The following ROBO2 variants were observed in gnomAD, a reference collection of about 807,000 sequenced individuals.
ROBO2 encodes roundabout guidance receptor 2, also known as roundabout homolog 2.
In ROBO2, 53 loss-of-function variants were observed where a neutral mutation model predicts 160.8. That is an observed-to-expected ratio of 0.33 (90% CI 0.26 to 0.41). ROBO2 has a LOEUF of 0.41. ROBO2 is among the 10% of genes least tolerant of loss of function. The pLI, the probability that ROBO2 is intolerant of heterozygous loss-of-function variation, is 1.00. For missense variants in ROBO2, 1,577 were observed against 1,722.4 expected (o/e 0.92, Z 1.49); for synonymous variants, 664 against 611.7 (o/e 1.09, Z -1.26).
In ROBO2 at chr3:76,407,102, A is replaced by G. The variant is rs2075239711; in HGVS notation, c.109+469500A>G. 1.3e-5 allele frequency among the ~76,000 whole-genome samples: 2 copies of G among 150,982 alleles called. 1 individual carries two copies. The highest frequency in any genetic ancestry group is 1.3e-4 in the Admixed American group (2 of 15,054). On this transcript the variant is annotated intron_variant, in intron 2 of 26. Coordinates refer to the ROBO2 transcript ENST00000487694. ...TAGACACACCAGTTACATTGTTTGC[A>G]GTAGGATTTTGCTCTAGCAATTCCT...
chr3:76,011,782 A>G (rs1371216913), intron 2 of ROBO2, among the ~76,000 whole-genome samples: 1 of 152,242 alleles, frequency 6.6e-6, no homozygotes, highest in South Asian at 2.1e-4. Flanking sequence ...TTTTAAGGAT[A>G]CAATATTGTT....
rs1399867100 is a variant in ROBO2, at chr3:76,555,425, G to GAAGAAGAGGAA, written c.110-542588_110-542587insAGAAGAGGAAA. ...AAGAAGAAGAAGAAGAAGAAAGAAG[G>GAAGAAGAGGAA]AGAAGGGGAAGGGGAAGAGGAAGAG... On this transcript the variant is annotated intron_variant, in intron 2 of 26. Coordinates refer to the ROBO2 transcript ENST00000487694. 2.9e-5 allele frequency among the ~76,000 whole-genome samples: 2 copies of GAAGAAGAGGAA among 68,472 alleles called. 1 individual carries two copies. Among genetic ancestry groups the GAAGAAGAGGAA allele is most frequent in the Non-Finnish European group, 6.6e-5 (2 of 30,514 alleles). The allele number at this position is 68,472 out of a possible 152,430, so 44.9% of individuals were successfully genotyped here.
At chr3:76,573,425 T>TTACTATCGATTAGAACCATACTGTA (rs1163443150) in intron 2 of ROBO2, among the ~76,000 whole-genome samples, 2 of 152,106 alleles carry the variant, frequency 1.3e-5, no homozygotes, top group African/African-American at 4.8e-5. Context: ...GATTTACTAT[T>TTACTATCGATTAGAACCATACTGTA]TACTATCGAT....
At chr3:77,314,492 C>G (rs2063803647) in intron 2 of ROBO2, among the ~76,000 whole-genome samples, 1 of 152,070 alleles carries the variant, frequency 6.6e-6, no homozygotes, top group Non-Finnish European at 1.5e-5. Context: ...AGTTACTAAG[C>G]CTAATAATTA....
At chr3:76,743,131 G>C (rs913683521) in intron 2 of ROBO2, among the ~76,000 whole-genome samples, 2 of 152,028 alleles carry the variant, frequency 1.3e-5, no homozygotes, top group Non-Finnish European at 2.9e-5. Flanking sequence ...CTCAACCTTA[G>C]AATACAAGTC....
chr3:76,112,585 G>C (rs9867506), intron 2 of ROBO2, among the ~76,000 whole-genome samples: 6,301 of 152,026 alleles, frequency 0.041, 350 homozygotes, highest in African/African-American at 0.12. Context: ...AAATTTAAAT[G>C]TACTATGTTT....
intron 2 of ROBO2, among the ~76,000 whole-genome samples, chr3:76,865,073 T>C (rs1217924852): frequency 6.6e-6 from 1 of 152,058 alleles, no homozygotes; most frequent in African/African-American, 2.4e-5. Context: ...ATCAAGTTTA[T>C]TTTCCCTAGA....
At chr3:76,224,544 A>G (rs1287189407) in intron 2 of ROBO2, among the ~76,000 whole-genome samples, 1 of 152,180 alleles carries the variant, frequency 6.6e-6, no homozygotes, top group Admixed American at 6.5e-5. Flanking sequence ...TACTCAGTCT[A>G]CTGATTCAAT....
Position 77,098,006 on chromosome 3 carries a change from T to C in ROBO2, c.62-8T>C. ...TAAAGCTTGTCTTTATTCCGTCATG[T>C]TTTGTAGGATCGCGTCTTCGCCAGG... On this transcript the variant is annotated splice_region_variant and splice_polypyrimidine_tract_variant and intron_variant, in intron 1 of 25. Transcript: ENST00000461745. 6.5e-7 allele frequency: 1 copy of C among 1,543,884 alleles called. No individual in the cohort carries two copies. The highest frequency in any genetic ancestry group is 1.2e-5 in the South Asian group (1 of 80,238).
intron 2 of ROBO2, among the ~76,000 whole-genome samples, chr3:76,574,899 T>A (rs1187031312): frequency 6.6e-6 from 1 of 152,128 alleles, no homozygotes. Flanking sequence ...TAAAAACCTA[T>A]TTAAAAACTG....
intron 2 of ROBO2, among the ~76,000 whole-genome samples, chr3:75,956,831 C>T (rs561785164): frequency 6.6e-6 from 1 of 151,834 alleles, no homozygotes; most frequent in East Asian, 1.9e-4. Flanking sequence ...ATTTGCCATT[C>T]GCATTGGCCC....
At chr3:77,389,700 C>T (rs2074511322) in intron 2 of ROBO2, among the ~76,000 whole-genome samples, 1 of 150,410 alleles carries the variant, frequency 6.6e-6, no homozygotes, top group Admixed American at 6.7e-5. Context: ...GTCTTTCTCC[C>T]TTTTTTATTT....
rs201990056 is a variant in ROBO2 at position 77,512,095 on chromosome 3, CTCAG to C, written c.807-10677_807-10674del. Reference sequence around the variant, plus strand: ...GTTGTCTAAAGATTAAAAACATAGACTCAGTCTGTACCAACAAAATAATGGCTTA... The same window carrying C: ...GTTGTCTAAAGATTAAAAACATAGACTCTGTACCAACAAAATAATGGCTTA... On this transcript the variant is annotated intron_variant, in intron 5 of 25. Transcript: ENST00000461745. Among the ~76,000 whole-genome samples, 1,119 of 151,986 alleles carry C rather than the reference CTCAG, an allele frequency of 7.4e-3. 13 individuals are homozygous for C. Among genetic ancestry groups the C allele is most frequent in the African/African-American group, 0.023 (947 of 41,504 alleles).
At chr3:76,799,505 CA>C (rs34437179) in intron 2 of ROBO2, among the ~76,000 whole-genome samples, 51 of 145,420 alleles carry the variant, frequency 3.5e-4, no homozygotes, top group African/African-American at 5.3e-4. Context: ...TTAGATCTGA[CA>C]AAAAAAAAAC....
chr3:77,283,340 G>T (rs544412658), intron 2 of ROBO2, among the ~76,000 whole-genome samples: 13 of 152,266 alleles, frequency 8.5e-5, no homozygotes, highest in African/African-American at 2.9e-4. Context: ...GCACTTCAAA[G>T]AATTTACATT....
At chr3:77,268,497 A>G (rs551893325) in intron 2 of ROBO2, among the ~76,000 whole-genome samples, 50 of 152,320 alleles carry the variant, frequency 3.3e-4, no homozygotes, top group African/African-American at 1.2e-3. Flanking sequence ...GCCACCTGAA[A>G]AAGAGTTTAG....
intron 2 of ROBO2, among the ~76,000 whole-genome samples, chr3:76,478,454 G>A (rs533940725): frequency 2.0e-5 from 3 of 151,834 alleles, no homozygotes; most frequent in East Asian, 2.0e-4. Context: ...TTGGTTCCAA[G>A]TCTTTTGGGA....
intron 2 of ROBO2, among the ~76,000 whole-genome samples, chr3:76,814,533 G>C (rs9865391): frequency 0.018 from 2,777 of 152,048 alleles, 64 homozygotes; most frequent in East Asian, 0.1. Context: ...AGCTAAACGT[G>C]GTTTGTGCAA....
intron 2 of ROBO2, among the ~76,000 whole-genome samples, chr3:76,259,624 G>C (rs1706616094): frequency 6.6e-6 from 1 of 152,094 alleles, no homozygotes; most frequent in Non-Finnish European, 1.5e-5. Context: ...TTTGTTTACT[G>C]TTCAGTATAG....
Sources: allele counts gnomAD v4.1 joint callset (sites outside exome capture counted in the v4.1 genomes callset), GRCh38; gene constraint gnomAD v4.1.1; transcripts MANE v1.5; gene names NCBI Gene and HGNC (gene_info 2026-07-23, HGNC 2026-07-21).